The following SLC24A4 variants were observed in gnomAD, a reference collection of about 807,000 sequenced individuals.
SLC24A4 encodes solute carrier family 24 member 4.
A neutral mutation model predicts 79.0 loss-of-function variants in SLC24A4; 53 were observed. The ratio of observed to expected loss-of-function variants is 0.67; its 90% CI spans 0.54 to 0.84. The LOEUF is 0.84. Ranked by LOEUF, SLC24A4 falls within the 40% of genes least tolerant of loss-of-function variation. The pLI is 0.00. For synonymous variants in SLC24A4, 323 were observed against 323.8 expected (o/e 1.00, Z 0.03); for missense variants, 731 against 822.0 (o/e 0.89, Z 1.35).
chr14:92,464,672 C>T (rs1203154607), intron 12 of SLC24A4, among the ~76,000 whole-genome samples: 1 of 152,186 alleles, frequency 6.6e-6, no homozygotes, highest in East Asian at 1.9e-4. Context: ...TAATTTGAAT[C>T]CAGAACTTTA....
intron 2 of SLC24A4, among the ~76,000 whole-genome samples, chr14:92,387,211 G>A (rs1889213931): frequency 6.6e-6 from 1 of 150,526 alleles, no homozygotes; most frequent in African/African-American, 2.5e-5. Context: ...GAGTCTCGCT[G>A]TGTCACCCAG....
chr14:92,480,286 C>CTT (rs66533065), intron 12 of SLC24A4, among the ~76,000 whole-genome samples: 4 of 63,126 alleles, frequency 6.3e-5, no homozygotes, highest in African/African-American at 1.6e-4. Context: ...AGATCTTTCC[C>CTT]TTTTTTTTTT....
chr14:92,351,902 GAAGGAAGGA>G (rs1408229408), intron 2 of SLC24A4, among the ~76,000 whole-genome samples: 1 of 131,246 alleles, frequency 7.6e-6, no homozygotes, highest in Non-Finnish European at 1.6e-5. Context: ...GGAAGGAAAG[GAAGGAAGGA>G]AAGGAAGGAA....
At chr14:92,407,092 C>T (rs750321508) in intron 2 of SLC24A4, among the ~76,000 whole-genome samples, 1 of 152,204 alleles carries the variant, frequency 6.6e-6, no homozygotes, top group African/African-American at 2.4e-5. Context: ...CTTTCTTTTG[C>T]TAGATACCCT....
At chr14:92,449,736 A>G (rs1893029463) in intron 10 of SLC24A4, among the ~76,000 whole-genome samples, 1 of 152,210 alleles carries the variant, frequency 6.6e-6, no homozygotes, top group African/African-American at 2.4e-5. Context: ...AAAGGCAGAC[A>G]TGAAGCTGAG....
intron 12 of SLC24A4, among the ~76,000 whole-genome samples, chr14:92,474,898 A>G (rs1429763143): frequency 1.3e-4 from 17 of 133,772 alleles, no homozygotes; most frequent in South Asian, 7.2e-4. Flanking sequence ...GGGTTTCACC[A>G]TGTTGGCCAG....
intron 3 of SLC24A4, 111 bp from the exon 4 acceptor site, chr14:92,439,224 G>A (rs141287141): frequency 4.8e-6 from 4 of 831,284 alleles, no homozygotes; most frequent in East Asian, 2.5e-5. Context: ...TGTGTGCCCC[G>A]CTCTGTCCGC....
intron 8 of SLC24A4, 68 bp from the exon 9 acceptor site, chr14:92,447,303 C>A: frequency 7.0e-7 from 1 of 1,436,466 alleles, no homozygotes; most frequent in Non-Finnish European, 9.8e-7. Flanking sequence ...ACTTCTGGAC[C>A]CCTCATTCCC....
In SLC24A4 at chr14:92,323,932, C is replaced by T. The variant is rs556197214; in HGVS notation, c.102C>T (p.Cys34=). 5 of 1,611,404 alleles carry T rather than the reference C, an allele frequency of 3.1e-6. No homozygotes were observed. In the African/African-American group the frequency reaches 5.3e-5, roughly 17 times the overall value. The change falls in exon 1 of 17, where the codon TGC becomes TGT. Residue 34 remains cysteine, a synonymous_variant. Transcript: ENST00000532405. The surrounding 1 kb of genome is among the most constrained non-coding windows in gnomAD (Gnocchi z 4.9). ...GFVCAVLALV[C]CASGLFGSLG... ...TGTGCGCGGTGCTGGCCCTGGTGTGCTGTGCGTCCGGCCTCTTCGGCAGCT... is the reference window on the plus strand; with the variant it reads ...TGTGCGCGGTGCTGGCCCTGGTGTGTTGTGCGTCCGGCCTCTTCGGCAGCT...
rs1268072768 is a variant in SLC24A4, at chr14:92,443,468, C to T, written c.651C>T (p.Leu217=). The T allele has an allele frequency of 6.2e-7, 1 of 1,614,196 alleles. No individual in the cohort carries two copies. The highest frequency in any genetic ancestry group is 8.5e-7 in the Non-Finnish European group (1 of 1,180,012). Residue 217 remains leucine, a synonymous_variant, in exon 7 of 17, where the codon CTC becomes CTT. Transcript: ENST00000532405. ...SVYYTISVIV[L]IVFIYDEQIV... is the part of the protein sequence containing the mutation. ...ACTACACCATCTCTGTCATCGTGCT[C>T]ATCGTGGTGAGTTGCCCCTCTGCCC...
intron 2 of SLC24A4, among the ~76,000 whole-genome samples, chr14:92,347,713 G>C (rs1323725794): frequency 6.6e-6 from 1 of 152,168 alleles, no homozygotes; most frequent in Non-Finnish European, 1.5e-5. Context: ...TGAATCACGA[G>C]GTCAGGAGTT....
rs191115960 is a variant in SLC24A4 at position 92,454,068 on chromosome 14, A to G, written c.1049A>G (p.Glu350Gly). The G allele has an allele frequency of 1.3e-4, 213 of 1,612,066 alleles. No homozygotes were observed. In the East Asian group the frequency reaches 4.4e-3, roughly 34 times the overall value. Residue 350 changes from glutamate to glycine, a missense_variant and splice_region_variant, in exon 11 of 17, where the codon GAG becomes GGG. By Grantham distance (98) the Glu-to-Gly change is moderately conservative. Coordinates refer to ENST00000532405, the MANE Select transcript of SLC24A4 (RefSeq NM_153646.4). ...LRMASRIIIN[E>G]RQRLINSANG... ...ATGGCCAGCAGGATCATCATTAATGAGGTGAGTTTGCTTGAAGGACCATAA... is the reference window on the plus strand; with the variant it reads ...ATGGCCAGCAGGATCATCATTAATGGGGTGAGTTTGCTTGAAGGACCATAA...
At chr14:92,335,897 A>G (rs551796365) in intron 2 of SLC24A4, among the ~76,000 whole-genome samples, 47 of 152,224 alleles carry the variant, frequency 3.1e-4, no homozygotes, top group Non-Finnish European at 5.9e-4. Flanking sequence ...CTGAGTGCCC[A>G]TCTGAGAAAC....
intron 2 of SLC24A4, among the ~76,000 whole-genome samples, chr14:92,334,290 T>C (rs1566692147): frequency 6.6e-6 from 1 of 152,154 alleles, no homozygotes. Context: ...AAGGGCAGCC[T>C]CCGGAGGGCC....
chr14:92,460,972 G>A (rs1893766167), intron 12 of SLC24A4, among the ~76,000 whole-genome samples: 1 of 152,220 alleles, frequency 6.6e-6, no homozygotes, highest in South Asian at 2.1e-4. Flanking sequence ...CTGGTAATTA[G>A]GCCTCCCAGG....
intron 2 of SLC24A4, among the ~76,000 whole-genome samples, chr14:92,384,236 G>C (rs1449540098): frequency 6.6e-6 from 1 of 152,112 alleles, no homozygotes; most frequent in Non-Finnish European, 1.5e-5. Flanking sequence ...AAAATGACAG[G>C]CCTCCTCAGG....
rs555227892 is a variant in SLC24A4 at position 92,488,793 on chromosome 14, A to T, written c.1537+2013A>T. ...TGCCAGCGCCAGCGGTGCACAGATG[A>T]CAAGTTCATCCCTAGCCAGAGTCAG... On this transcript the variant is annotated intron_variant, in intron 14 of 16. Transcript: ENST00000532405. Among the ~76,000 whole-genome samples, 7 of 152,314 alleles carry T rather than the reference A, an allele frequency of 4.6e-5. No individual in the cohort carries two copies. The East Asian group carries it at 1.3e-3, about 29-fold the overall frequency.
chr14:92,419,112 T>C (rs945198682), intron 2 of SLC24A4, among the ~76,000 whole-genome samples: 1 of 152,200 alleles, frequency 6.6e-6, no homozygotes, highest in Non-Finnish European at 1.5e-5. Context: ...GTTAACCACA[T>C]CTATAAAATA....
At chr14:92,354,786 G>T (rs1158051490) in intron 2 of SLC24A4, among the ~76,000 whole-genome samples, 1 of 152,096 alleles carries the variant, frequency 6.6e-6, no homozygotes, top group East Asian at 1.9e-4. Flanking sequence ...AAAAATGTTA[G>T]ATGCTGGCTA....
Sources: gnomAD v4.1 joint callset for allele counts (sites outside exome capture counted in the v4.1 genomes callset) on GRCh38, gnomAD v4.1.1 for gene constraint, Gnocchi (gnomAD v3.1) non-coding constraint, MANE v1.5 for transcripts, NCBI Gene and HGNC (gene_info 2026-07-23, HGNC 2026-07-21) for gene names.